The following LIPC variants were observed in gnomAD, a reference collection of about 807,000 sequenced individuals.
The protein encoded by LIPC is lipase C, hepatic type, also known as hepatic triacylglycerol lipase.
LIPC carries 44 observed loss-of-function variants against 50.7 expected under a neutral mutation model. The observed-to-expected ratio is 0.87, with a 90% CI of 0.68 to 1.11. The LOEUF is 1.11. LIPC is among the 50% of genes most tolerant of loss of function. The pLI, the probability that LIPC is intolerant of heterozygous loss-of-function variation, is 0.00. For missense variants in LIPC, 697 were observed against 648.2 expected (o/e 1.08, Z -0.82); for synonymous variants, 271 against 256.4 (o/e 1.06, Z -0.54).
At chr15:58,509,295 G>A (rs1223889948) in intron 1 of LIPC, among the ~76,000 whole-genome samples, 1 of 152,152 alleles carries the variant, frequency 6.6e-6, no homozygotes, top group Non-Finnish European at 1.5e-5. Context: ...CTTCCTAAAT[G>A]TTCATTAACT....
At chr15:58,432,173 G>T (rs149520038) in intron 1 of LIPC, 53 bp downstream of exon 1, 2 of 1,295,366 alleles carry the variant, frequency 1.5e-6, no homozygotes, top group East Asian at 2.3e-5. Context: ...TTTTTAAAAC[G>T]TGTGTCACAA....
chr15:58,490,351 C>G (rs1468128725), intron 1 of LIPC, among the ~76,000 whole-genome samples: 1 of 152,170 alleles, frequency 6.6e-6, no homozygotes, highest in Non-Finnish European at 1.5e-5. Flanking sequence ...AACGTTGATG[C>G]TATTCGTTTT....
chr15:58,439,546 C>G (rs1348291176), intron 1 of LIPC, among the ~76,000 whole-genome samples: 2 of 152,324 alleles, frequency 1.3e-5, no homozygotes, highest in East Asian at 3.9e-4. Flanking sequence ...CGGGTTCAAG[C>G]AGTTCTCCTG....
intron 6 of LIPC, among the ~76,000 whole-genome samples, chr15:58,551,368 C>T (rs1893751954): frequency 2.6e-5 from 4 of 152,166 alleles, no homozygotes; most frequent in Admixed American, 2.6e-4. Context: ...TTATGTTATC[C>T]AATGTGGTAG....
intron 1 of LIPC, among the ~76,000 whole-genome samples, chr15:58,446,482 T>C (rs1893698491): frequency 6.6e-6 from 1 of 152,176 alleles, no homozygotes; most frequent in Non-Finnish European, 1.5e-5. Context: ...GTTGATAGCG[T>C]TTTTCAGACT....
intron 1 of LIPC, among the ~76,000 whole-genome samples, chr15:58,509,520 G>A (rs7168747): frequency 0.048 from 7,238 of 152,272 alleles, 577 homozygotes; most frequent in African/African-American, 0.16. Context: ...AAAAGACCAC[G>A]TGCTAACCTA....
intron 1 of LIPC, among the ~76,000 whole-genome samples, chr15:58,506,750 A>T (rs557920172): frequency 6.6e-6 from 1 of 151,886 alleles, no homozygotes; most frequent in Non-Finnish European, 1.5e-5. Context: ...TCTGCCCCCC[A>T]CCCTGACGTG....
Position 58,542,789 on chromosome 15 carries a change from A to G in LIPC, c.574+138A>G, listed in dbSNP as rs138926408. The G allele has an allele frequency of 1.9e-5, 13 of 667,388 alleles. No homozygotes were observed. The East Asian group carries it at 3.4e-4, about 18-fold the overall frequency. The allele number at this position is 667,388 out of a possible 1,614,324, so 41.3% of individuals were successfully genotyped here. On this transcript the variant is annotated intron_variant, in intron 4 of 8. Coordinates refer to ENST00000299022, the MANE Select transcript of LIPC (RefSeq NM_000236.3). ...ATCAGCGCTCATGAGAGGACTTGTG[A>G]CATTCTTTCAAACATGACCAATGTC...
At chr15:58,476,567 A>G (rs1378186788) in intron 1 of LIPC, among the ~76,000 whole-genome samples, 1 of 152,238 alleles carries the variant, frequency 6.6e-6, no homozygotes, top group African/African-American at 2.4e-5. Flanking sequence ...ACAATCATAC[A>G]AAACTCAGGC....
intron 1 of LIPC, among the ~76,000 whole-genome samples, chr15:58,474,188 A>AC (rs1427027798): frequency 6.6e-6 from 1 of 151,932 alleles, no homozygotes; most frequent in Non-Finnish European, 1.5e-5. Flanking sequence ...GGGGCATCTC[A>AC]CCCCTGGGAA....
intron 1 of LIPC, chr15:58,437,046 C>G (rs1893323576): frequency 2.8e-6 from 1 of 359,820 alleles, no homozygotes; most frequent in Non-Finnish European, 5.4e-6. Context: ...CTGCTAAGTC[C>G]AACTTCGAAC....
chr15:58,538,767 C>T lies in LIPC; in HGVS notation c.273+250C>T, dbSNP rs11633191. 0.79 allele frequency among the ~76,000 whole-genome samples: 120,531 copies of T among 152,078 alleles called. 48,448 individuals are homozygous for T. The highest frequency in any genetic ancestry group is 1 in the East Asian group (5,159 of 5,168). On this transcript the variant is annotated intron_variant, in intron 2 of 8. Coordinates refer to ENST00000299022, the MANE Select transcript of LIPC (RefSeq NM_000236.3). ...TCAGATAGAATGTGGCTCAAAGAGG[C>T]CACACAGCCCATTGGGGCCCACAAG...
chr15:58,480,634 GC>G (rs1435982449), intron 1 of LIPC, among the ~76,000 whole-genome samples: 2 of 152,186 alleles, frequency 1.3e-5, no homozygotes, highest in Non-Finnish European at 2.9e-5. Context: ...CCAACCTTCA[GC>G]CCAGGACTGC....
intron 6 of LIPC, among the ~76,000 whole-genome samples, chr15:58,550,981 C>T (rs1226137662): frequency 2.6e-5 from 4 of 151,884 alleles, no homozygotes; most frequent in African/African-American, 9.7e-5. Context: ...GGATTACCAG[C>T]GTGCACCACC....
At chr15:58,489,124 C>T (rs1183145080) in intron 1 of LIPC, among the ~76,000 whole-genome samples, 2 of 149,364 alleles carry the variant, frequency 1.3e-5, no homozygotes, top group African/African-American at 2.5e-5. Context: ...TGGTTGCCTC[C>T]ATGGTAGTAT....
At chr15:58,461,029 G>A (rs1894329366) in intron 1 of LIPC, among the ~76,000 whole-genome samples, 2 of 152,126 alleles carry the variant, frequency 1.3e-5, no homozygotes, top group Non-Finnish European at 2.9e-5. Context: ...AAGCCACCAA[G>A]GCCAATTTGA....
At chr15:58,462,757 G>C (rs1344460959) in intron 1 of LIPC, among the ~76,000 whole-genome samples, 1 of 152,070 alleles carries the variant, frequency 6.6e-6, no homozygotes, top group African/African-American at 2.4e-5. Context: ...GCCACTCCAG[G>C]CAATCCTCTC....
At chr15:58,533,397 A>G (rs1893013849) in intron 1 of LIPC, among the ~76,000 whole-genome samples, 1 of 152,260 alleles carries the variant, frequency 6.6e-6, no homozygotes, top group South Asian at 2.1e-4. Flanking sequence ...CAATTTGAAT[A>G]TATATGTATA....
At chr15:58,550,473 G>C (rs1893709169) in intron 6 of LIPC, among the ~76,000 whole-genome samples, 1 of 152,178 alleles carries the variant, frequency 6.6e-6, no homozygotes, top group Non-Finnish European at 1.5e-5. Context: ...ATACACTGCT[G>C]ATGTGAACTC....
Sources: gnomAD v4.1 joint callset for allele counts (sites outside exome capture counted in the v4.1 genomes callset) on GRCh38, gnomAD v4.1.1 for gene constraint, MANE v1.5 for transcripts, NCBI Gene and HGNC (gene_info 2026-07-23, HGNC 2026-07-21) for gene names.